The following MND1 variants were observed in gnomAD, a reference collection of about 807,000 sequenced individuals.
MND1 encodes meiotic nuclear divisions 1, also known as meiotic nuclear division protein 1 homolog.
Under a neutral mutation model 35.1 loss-of-function variants are expected in MND1, and 28 were observed. The observed-to-expected ratio is 0.80, with a 90% CI of 0.59 to 1.09. The LOEUF (loss-of-function observed/expected upper bound fraction) is 1.09, where lower values mean the gene tolerates loss of function less well. Among genes scored for constraint, MND1 ranks in the 50% least tolerant of loss-of-function variants. The pLI is 0.00. For missense variants in MND1, 213 were observed against 239.6 expected, an observed-to-expected ratio of 0.89 and a Z score of 0.73; for synonymous variants, 69 against 70.5, an observed-to-expected ratio of 0.98 and a Z score of 0.11.
intron 6 of MND1, among the ~76,000 whole-genome samples, chr4:153,399,345 T>G (rs546626204): frequency 3.3e-5 from 5 of 152,274 alleles, no homozygotes; most frequent in Non-Finnish European, 7.4e-5. Flanking sequence ...CACCTCCAAT[T>G]GACTCCCCAG....
At chr4:153,382,831 C>A (rs1728745955) in intron 4 of MND1, among the ~76,000 whole-genome samples, 1 of 152,064 alleles carries the variant, frequency 6.6e-6, no homozygotes, top group South Asian at 2.1e-4. Flanking sequence ...TTAGAAATTT[C>A]AATGGTGGAC....
chr4:153,357,251 T>C (rs1773369338), intron 3 of MND1, among the ~76,000 whole-genome samples: 1 of 152,210 alleles, frequency 6.6e-6, no homozygotes, highest in South Asian at 2.1e-4. Context: ...CACACTTTTA[T>C]GTACACCACA....
At chr4:153,369,030 G>A (rs560614672) in intron 4 of MND1, among the ~76,000 whole-genome samples, 11 of 152,322 alleles carry the variant, frequency 7.2e-5, no homozygotes, top group African/African-American at 2.6e-4. Flanking sequence ...CTGTTGGCCA[G>A]GGCCATATTC....
At chr4:153,386,963 G>A (rs964982351) in intron 4 of MND1, among the ~76,000 whole-genome samples, 1 of 152,176 alleles carries the variant, frequency 6.6e-6, no homozygotes, top group African/African-American at 2.4e-5. Context: ...GAGGTGGAAA[G>A]GCAAATGAGG....
chr4:153,399,890 ATTTTTTTT>A (rs34815482), intron 6 of MND1, among the ~76,000 whole-genome samples: 2 of 71,120 alleles, frequency 2.8e-5, no homozygotes, highest in Non-Finnish European at 4.9e-5. Context: ...TTTCAGTGAG[ATTTTTTTT>A]TTTTTTTTTT....
intron 1 of MND1, among the ~76,000 whole-genome samples, chr4:153,345,968 T>C (rs1773068770): frequency 6.6e-6 from 1 of 151,476 alleles, no homozygotes; most frequent in African/African-American, 2.4e-5. Flanking sequence ...AATCTATCTC[T>C]CTACACATGA....
chr4:153,356,776 G>A (rs2149632336), intron 3 of MND1, among the ~76,000 whole-genome samples: 2 of 151,734 alleles, frequency 1.3e-5, no homozygotes, highest in Middle Eastern at 6.8e-3. Context: ...TATTGGCCAT[G>A]CATATTTTAT....
chr4:153,381,369 C>G (rs1211300552), intron 4 of MND1, among the ~76,000 whole-genome samples: 1 of 151,444 alleles, frequency 6.6e-6, no homozygotes, highest in Admixed American at 6.6e-5. Flanking sequence ...CCAAACACCC[C>G]TCAGTGTTTC....
chr4:153,355,094 G>C (rs987658416), intron 2 of MND1, among the ~76,000 whole-genome samples: 1 of 152,048 alleles, frequency 6.6e-6, no homozygotes, highest in Non-Finnish European at 1.5e-5. Context: ...AGCCCTGGAG[G>C]TCAAGGCTGC....
chr4:153,365,711 C>G (rs1413288433), intron 4 of MND1, among the ~76,000 whole-genome samples: 1 of 152,236 alleles, frequency 6.6e-6, no homozygotes, highest in East Asian at 1.9e-4. Context: ...GCAGTCCTCC[C>G]ATCTCAGCCT....
intron 1 of MND1, among the ~76,000 whole-genome samples, chr4:153,346,915 C>A (rs1048717812): frequency 6.6e-6 from 1 of 152,184 alleles, no homozygotes; most frequent in African/African-American, 2.4e-5. Flanking sequence ...TCCCATTGCC[C>A]CGCAGCGCCC....
chr4:153,355,133 C>A (rs1773309131), intron 2 of MND1, among the ~76,000 whole-genome samples: 1 of 150,474 alleles, frequency 6.6e-6, no homozygotes, highest in African/African-American at 2.5e-5. Flanking sequence ...CACTGTACTC[C>A]CATCTGGGCC....
At chr4:153,368,883 G>T (rs1040003387) in intron 4 of MND1, among the ~76,000 whole-genome samples, 17 of 152,128 alleles carry the variant, frequency 1.1e-4, no homozygotes, top group Non-Finnish European at 2.5e-4. Flanking sequence ...TCCAAAACAG[G>T]GTGACTTTAA....
intron 4 of MND1, among the ~76,000 whole-genome samples, chr4:153,364,442 A>T (rs1268512421): frequency 6.6e-6 from 1 of 152,054 alleles, no homozygotes; most frequent in African/African-American, 2.4e-5. Context: ...GCGTGAGCCT[A>T]AGAGTTTGAG....
chr4:153,405,495 C>T (rs1729474699), intron 6 of MND1, among the ~76,000 whole-genome samples: 1 of 151,614 alleles, frequency 6.6e-6, no homozygotes, highest in Admixed American at 6.6e-5. Context: ...GAGATCATGC[C>T]ACTGCACTCC....
rs1169971684 is a variant in MND1, at chr4:153,355,953, C to T, written c.127+242C>T. The stretch of plus-strand genomic sequence containing the variant: ...ATATATATCCCTGTCATTAAATATC[C>T]TTTTATAACATAAATGATTGTATAG... On this transcript the variant is annotated intron_variant, in intron 3 of 7. Transcript: ENST00000240488. 3 of 371,042 alleles carry T rather than the reference C, an allele frequency of 8.1e-6. No individual in the cohort carries two copies. In the East Asian group the frequency reaches 1.4e-4, roughly 17 times the overall value. The allele number at this position is 371,042 out of a possible 1,614,324, so 23.0% of individuals were successfully genotyped here.
At chr4:153,412,484 CT>C (rs59668809) in intron 7 of MND1, among the ~76,000 whole-genome samples, 18,479 of 138,332 alleles carry the variant, frequency 0.13, 1,147 homozygotes, top group African/African-American at 0.2. Flanking sequence ...TCCAAATTTC[CT>C]TTTTTTTTTT....
chr4:153,377,495 G>A (rs1023223860), intron 4 of MND1, among the ~76,000 whole-genome samples: 14 of 151,990 alleles, frequency 9.2e-5, no homozygotes, highest in Non-Finnish European at 1.9e-4. Flanking sequence ...TTGATGAGAG[G>A]GACATAAGAA....
chr4:153,399,109 TC>T (rs1193036650), intron 6 of MND1, among the ~76,000 whole-genome samples: 2 of 152,186 alleles, frequency 1.3e-5, no homozygotes, highest in Admixed American at 1.3e-4. Flanking sequence ...GATAACCAAA[TC>T]GGACCCTTCA....
Sources: gnomAD v4.1 joint callset for allele counts (sites outside exome capture counted in the v4.1 genomes callset) on GRCh38, gnomAD v4.1.1 for gene constraint, MANE v1.5 for transcripts, NCBI Gene and HGNC (gene_info 2026-07-23, HGNC 2026-07-21) for gene names.